IFT46: variants seen among roughly 807,000 people sequenced by gnomAD.
IFT46 encodes intraflagellar transport 46, also known as intraflagellar transport protein 46 homolog.
Under a neutral mutation model 39.6 loss-of-function variants are expected in IFT46, and 19 were observed. That is an observed-to-expected ratio of 0.48 (90% confidence interval 0.33 to 0.70). The LOEUF (loss-of-function observed/expected upper bound fraction) is 0.70. IFT46 is among the 30% of genes least tolerant of loss of function. The probability of loss-of-function intolerance (pLI) is 0.01; values close to 1 mark genes in which losing one functional copy is unlikely to be tolerated. For synonymous variants in IFT46, 117 were observed against 134.8 expected (o/e 0.87, Z 0.91); for missense variants, 334 against 364.8 (o/e 0.92, Z 0.69).
chr11:118,574,481 G>A (rs967723723), upstream of IFT46, among the ~76,000 whole-genome samples: 2 of 151,722 alleles, frequency 1.3e-5, no homozygotes, highest in Non-Finnish European at 2.9e-5. Flanking sequence ...CCACCAACTA[G>A]ATTCTATAAC....
chr11:118,547,959 G>A (rs2135476546), intron 9 of IFT46, among the ~76,000 whole-genome samples: 1 of 149,680 alleles, frequency 6.7e-6, no homozygotes, highest in East Asian at 2.0e-4. Context: ...TGTTAGCCAG[G>A]ATGGTCTCGA....
Position 118,544,611 on chromosome 11 carries a change from A to C in IFT46, c.*305T>G. 3.2e-6 allele frequency: 1 copy of C among 315,370 alleles called. No individual in the cohort carries two copies. The highest frequency in any genetic ancestry group is 5.8e-6 in the Non-Finnish European group (1 of 171,500). 19.5% of individuals were successfully genotyped at this position (315,370 alleles called of 1,614,324 possible). ...AAAACAATTCCATCCCTCTCACAAAAAGGACATCTTTTAAGCTTTCCTCCC... is the reference window on the plus strand; with the variant it reads ...AAAACAATTCCATCCCTCTCACAAACAGGACATCTTTTAAGCTTTCCTCCC... On this transcript the variant is annotated 3_prime_UTR_variant, in exon 12 of 12. Coordinates refer to ENST00000264021, the MANE Select transcript of IFT46 (RefSeq NM_001168618.2).
intron 9 of IFT46, among the ~76,000 whole-genome samples, chr11:118,551,028 CA>C (rs202115759): frequency 0.012 from 1,108 of 88,718 alleles, 7 homozygotes; most frequent in African/African-American, 0.035. Context: ...GAGACTGCCT[CA>C]AAAAAAAAAA....
chr11:118,552,227 C>T lies in IFT46; in HGVS notation c.592G>A (p.Val198Met), dbSNP rs1937664932. 2 of 1,614,102 alleles carry T rather than the reference C, an allele frequency of 1.2e-6. No individual in the cohort carries two copies. The highest frequency in any genetic ancestry group is 1.7e-6 in the Non-Finnish European group (2 of 1,180,000). The change falls in exon 8 of 12, where the codon GTG (valine) becomes ATG (methionine). Residue 198 changes from valine to methionine, a missense_variant. Val to Met is a conservative substitution (Grantham distance 21). Transcript: ENST00000264021. Reference protein sequence around the residue: ...ELHRSKPPATVHYTRPMPDID... With the variant: ...ELHRSKPPATMHYTRPMPDID... ...GGTATTTCTTACCTGGTGTAGTGCA[C>T]AGTCGCAGGGGGCTTAGAACGGTGT... is the stretch of plus-strand genomic sequence containing the variant.
chr11:118,545,907 A>G, intron 9 of IFT46, 54 bp from the exon 10 acceptor site: 3 of 1,464,666 alleles, frequency 2.0e-6, no homozygotes, highest in Non-Finnish European at 1.9e-6. Flanking sequence ...GTGGTCCCAG[A>G]ACCACTCTCT....
intron 5 of IFT46, 73 bp from the exon 6 acceptor site, chr11:118,555,156 C>T: frequency 6.5e-7 from 1 of 1,532,092 alleles, no homozygotes; most frequent in Non-Finnish European, 9.0e-7. Context: ...AAAAAAAAAT[C>T]TAAGGGGAAT....
chr11:118,576,712 A>G (rs1555073718), upstream of IFT46, among the ~76,000 whole-genome samples: 1 of 152,200 alleles, frequency 6.6e-6, no homozygotes, highest in Non-Finnish European at 1.5e-5. Flanking sequence ...ACCTGTGTCA[A>G]CTGCCTGGAA....
chr11:118,572,448 G>C lies in IFT46; in HGVS notation c.-133+148C>G, dbSNP rs541528540. The C allele has an allele frequency of 4.1e-5, 54 of 1,313,606 alleles. No individual in the cohort carries two copies. In the African/African-American group the frequency reaches 5.2e-4, roughly 13 times the overall value. The allele number at this position is 1,313,606 out of a possible 1,614,324, so 81.4% of individuals were successfully genotyped here. A position where few individuals can be genotyped will look rare whatever the true frequency, so the allele number is the denominator to read the frequency against. On this transcript the variant is annotated intron_variant, in intron 1 of 5. Coordinates refer to the IFT46 transcript ENST00000528378. Reference sequence around the variant, plus strand: ...CGAAGCGGCAGCGGTTCCTGTCAAGGGGGCAGCAGGTCCAGAGCTGCTGGT... The same window carrying C: ...CGAAGCGGCAGCGGTTCCTGTCAAGCGGGCAGCAGGTCCAGAGCTGCTGGT...
At chr11:118,546,448 G>T in intron 9 of IFT46, 1 of 374,976 alleles carries the variant, frequency 2.7e-6, no homozygotes. Flanking sequence ...CTGAGATTGA[G>T]CTACTGCACT....
At chr11:118,559,990 A>AAG in intron 2 of IFT46, 126 bp from the exon 3 acceptor site, 2 of 633,514 alleles carry the variant, frequency 3.2e-6, no homozygotes, top group Non-Finnish European at 5.5e-6. Context: ...CATCTGGCTA[A>AAG]AGAGACAGGA....
upstream of IFT46, among the ~76,000 whole-genome samples, chr11:118,574,758 A>AT (rs150318642): frequency 1.1e-3 from 168 of 147,968 alleles, 3 homozygotes; most frequent in South Asian, 7.0e-3. Context: ...GCATCTTTTG[A>AT]TTTTTTTTTT....
Position 118,572,348 on chromosome 11 carries a change from GCCC to G in IFT46, c.-133+245_-133+247del, listed in dbSNP as rs375845726. ...TCAATTTCCCCAGCCCACAGGCCCC[GCCC>G]CCCCCCCCGCCCTTTGACCTGCGCC... On this transcript the variant is annotated intron_variant, in intron 1 of 5. Coordinates refer to the IFT46 transcript ENST00000528378. 1.6e-3 allele frequency: 154 copies of G among 97,324 alleles called. 4 individuals carry two copies. The East Asian group carries it at 0.025, about 16-fold the overall frequency. 6.0% of individuals were successfully genotyped at this position (97,324 alleles called of 1,614,324 possible). A position where few individuals can be genotyped will look rare whatever the true frequency, so the allele number is the denominator to read the frequency against.
At chr11:118,557,851 C>T (rs1937894722) in intron 3 of IFT46, 1 of 1,613,136 alleles carries the variant, frequency 6.2e-7, no homozygotes, top group Non-Finnish European at 8.5e-7. Context: ...ATGTCTTTGC[C>T]TCTGTGGCCT....
Position 118,544,707 on chromosome 11 carries a change from T to TTAAC in IFT46, c.*205_*208dup, listed in dbSNP as rs1226838048. 30 of 531,804 alleles carry TTAAC rather than the reference T, an allele frequency of 5.6e-5. No homozygotes were observed. The highest frequency in any genetic ancestry group is 4.8e-4 in the African/African-American group (25 of 51,934). The allele number at this position is 531,804 out of a possible 1,614,324, so 32.9% of individuals were successfully genotyped here. A position where few individuals can be genotyped will look rare whatever the true frequency, so the allele number is the denominator to read the frequency against. ...AAATCCCCACAGTGGTGTAGATGCA[T>TTAAC]TAACTCCCCGGGGACAGCAATCTGA... On this transcript the variant is annotated 3_prime_UTR_variant, in exon 12 of 12. Transcript: ENST00000264021.
chr11:118,546,502 A>G (rs1035143898), intron 9 of IFT46: 10 of 220,718 alleles, frequency 4.5e-5, no homozygotes, highest in Middle Eastern at 1.7e-3. Flanking sequence ...AAAAGGAAGG[A>G]AGGGAGGGAG....
intron 7 of IFT46, among the ~76,000 whole-genome samples, chr11:118,554,254 A>G (rs564701405): frequency 4.6e-4 from 70 of 151,742 alleles, no homozygotes; most frequent in Non-Finnish European, 7.2e-4. Context: ...ACGGGGTTTC[A>G]CCATGTTAAG....
upstream of IFT46, among the ~76,000 whole-genome samples, chr11:118,570,913 A>AT (rs34808807): frequency 2.7e-5 from 4 of 149,872 alleles, no homozygotes; most frequent in South Asian, 2.1e-4. Context: ...TTCCAGAACT[A>AT]TTTTTTTTTT....
chr11:118,560,882 G>C (rs1228555724), intron 2 of IFT46: 2 of 786,462 alleles, frequency 2.5e-6, no homozygotes, highest in East Asian at 2.4e-5. Flanking sequence ...TTGTCAGACT[G>C]CTTATGCCCG....
chr11:118,553,451 A>G (rs1441822335), intron 7 of IFT46, among the ~76,000 whole-genome samples: 2 of 152,122 alleles, frequency 1.3e-5, no homozygotes, highest in Non-Finnish European at 2.9e-5. Context: ...AAAAAAAAAA[A>G]AAAGAAATAC....
Sources: gnomAD v4.1 joint callset for allele counts (sites outside exome capture counted in the v4.1 genomes callset) on GRCh38, gnomAD v4.1.1 for gene constraint, MANE v1.5 for transcripts, NCBI Gene and HGNC (gene_info 2026-07-23, HGNC 2026-07-21) for gene names.